The following ANKS6 variants were observed in gnomAD, a reference collection of about 807,000 sequenced individuals.
ANKS6 encodes the protein ankyrin repeat and sterile alpha motif domain containing 6.
ANKS6 carries 47 observed loss-of-function variants against 77.9 expected under a neutral mutation model. That is an observed-to-expected ratio of 0.60 (90% CI 0.48 to 0.77). The LOEUF is 0.77. ANKS6 is among the 30% of genes least tolerant of loss of function. ANKS6 has a pLI of 0.00. For missense variants in ANKS6, 1,150 were observed against 1,159.1 expected, an observed-to-expected ratio of 0.99 and a Z score of 0.11; for synonymous variants, 488 against 501.7, an observed-to-expected ratio of 0.97 and a Z score of 0.37.
rs758422293 is a variant in ANKS6 at position 98,732,470 on chromosome 9, G to T, written c.*4049C>A. 9.0e-5 allele frequency: 140 copies of T among 1,549,404 alleles called. No homozygotes were observed. The highest frequency in any genetic ancestry group is 1.2e-4 in the Non-Finnish European group (138 of 1,146,250). On this transcript the variant is annotated 3_prime_UTR_variant, in exon 15 of 15. Coordinates refer to ENST00000353234, the MANE Select transcript of ANKS6 (RefSeq NM_173551.5). ...CCATCGGCCACTCCTCACTTCTGTG[G>T]GCTCCGATGCCAGCAGAGCCACCTG... is the stretch of plus-strand genomic sequence containing the variant.
intron 4 of ANKS6, 127 bp downstream of exon 4, chr9:98,783,826 T>G: frequency 1.6e-6 from 1 of 635,880 alleles, no homozygotes; most frequent in Non-Finnish European, 2.2e-6. Context: ...TTTCCATGCC[T>G]CAATGTCGTC....
chr9:98,773,292 C>G (rs147740771), intron 9 of ANKS6, among the ~76,000 whole-genome samples: 1 of 152,330 alleles, frequency 6.6e-6, no homozygotes, highest in Non-Finnish European at 1.5e-5. Flanking sequence ...CACATGGCGA[C>G]AGGGTCAGTC....
intron 12 of ANKS6, among the ~76,000 whole-genome samples, chr9:98,753,886 G>C (rs1463318218): frequency 6.6e-6 from 1 of 152,152 alleles, no homozygotes; most frequent in Non-Finnish European, 1.5e-5. Context: ...CTATAATTCA[G>C]TTAATTCGAA....
chr9:98,774,178 C>A, intron 8 of ANKS6, 98 bp from the exon 9 acceptor site: 1 of 1,104,920 alleles, frequency 9.1e-7, no homozygotes, highest in Non-Finnish European at 1.2e-6. Flanking sequence ...GGCATGGCAC[C>A]ACCATCCACC....
rs760585807 is a variant in ANKS6, at chr9:98,745,685, G to C, written c.2395-10C>G. ...ACGCTTCCATGTCCACCTGGGGAGA[G>C]AGAGGGGATTTGCCACCATCTGCTG... is the stretch of plus-strand genomic sequence containing the variant. On this transcript the variant is annotated splice_polypyrimidine_tract_variant and intron_variant, in intron 13 of 14. Transcript: ENST00000353234. 5 of 1,608,142 alleles carry C rather than the reference G, an allele frequency of 3.1e-6. No individual in the cohort carries two copies. The highest frequency in any genetic ancestry group is 4.3e-6 in the Non-Finnish European group (5 of 1,174,548).
At position 98,739,736 on chromosome 9, in the gene ANKS6, A is replaced by G. The variant is rs145000014; in HGVS notation, c.2512-3113T>C. ...CTGGAGGCAGACAGATCCTATCCTC[A>G]GAGGGCAGCAGTGGATTAAACATTT... On this transcript the variant is annotated intron_variant, in intron 14 of 14. Coordinates refer to ENST00000353234, the MANE Select transcript of ANKS6 (RefSeq NM_173551.5). 1.1e-3 allele frequency among the ~76,000 whole-genome samples: 167 copies of G among 149,940 alleles called. 1 individual carries two copies. The highest frequency in any genetic ancestry group is 0.01 in the Middle Eastern group (3 of 290).
In ANKS6 at chr9:98,734,285, T is replaced by C; in HGVS notation, c.*2234A>G. On this transcript the variant is annotated 3_prime_UTR_variant, in exon 15 of 15. Coordinates refer to ENST00000353234, the MANE Select transcript of ANKS6 (RefSeq NM_173551.5). ...CTGCAAAATGGGAATAGCCCCGCTC[T>C]GTCCAGGGTCATCCAATGAGTTCAT... 2 of 985,460 alleles carry C rather than the reference T, an allele frequency of 2.0e-6. No homozygotes were observed. Among genetic ancestry groups the C allele is most frequent in the Non-Finnish European group, 2.4e-6 (2 of 829,962 alleles). The allele number at this position is 985,460 out of a possible 1,614,324, so 61.0% of individuals were successfully genotyped here. A position where few individuals can be genotyped will look rare whatever the true frequency, so the allele number is the denominator to read the frequency against.
chr9:98,732,709 G>A lies in ANKS6; in HGVS notation c.*3810C>T. On this transcript the variant is annotated 3_prime_UTR_variant, in exon 15 of 15. Transcript: ENST00000353234. ...GATCCCTGGGGGCTACTATCCCCCT[G>A]TAACCAAAAGGGAAACTGGGACTCA... is the stretch of plus-strand genomic sequence containing the variant. The A allele has an allele frequency of 6.9e-7, 1 of 1,447,596 alleles. No homozygotes were observed. Among genetic ancestry groups the A allele is most frequent in the Non-Finnish European group, 9.1e-7 (1 of 1,104,968 alleles). 89.7% of individuals were successfully genotyped at this position (1,447,596 alleles called of 1,614,324 possible). A position where few individuals can be genotyped will look rare whatever the true frequency, so the allele number is the denominator to read the frequency against.
chr9:98,779,277 A>G (rs1035745447), intron 6 of ANKS6, among the ~76,000 whole-genome samples: 1 of 152,208 alleles, frequency 6.6e-6, no homozygotes, highest in Admixed American at 6.5e-5. Context: ...CTCAGCTTGC[A>G]GTTACAAGCA....
chr9:98,790,614 G>A lies in ANKS6; in HGVS notation c.360-8C>T. The A allele has an allele frequency of 6.3e-7, 1 of 1,592,604 alleles. No homozygotes were observed. The highest frequency in any genetic ancestry group is 8.6e-7 in the Non-Finnish European group (1 of 1,163,574). ...ACACTCACATGCCCAAATCTGCCAG[G>A]AAGATGGAGAATTAGTGACACTGAA... On this transcript the variant is annotated splice_polypyrimidine_tract_variant and splice_region_variant and intron_variant, in intron 1 of 14. Transcript: ENST00000353234.
Position 98,778,257 on chromosome 9 carries a change from G to A in ANKS6, c.1536C>T (p.Leu512=), listed in dbSNP as rs751706775. Residue 512 remains leucine, a synonymous_variant, in exon 7 of 15, where the codon CTC becomes CTT. Coordinates refer to ENST00000353234, the MANE Select transcript of ANKS6 (RefSeq NM_173551.5). ...APQDKTSRSA[L]PDAAPVTKDN... ...CTTTGGTCACAGGGGCCGCATCAGG[G>A]AGTGCAGAGCGGCTTGTCTTGTCCT... is the stretch of plus-strand genomic sequence containing the variant. 1.7e-5 allele frequency: 28 copies of A among 1,614,072 alleles called. No individual in the cohort carries two copies. The African/African-American group carries it at 3.6e-4, about 21-fold the overall frequency.
intron 2 of ANKS6, among the ~76,000 whole-genome samples, chr9:98,785,860 C>T (rs1198191612): frequency 6.6e-6 from 1 of 152,172 alleles, no homozygotes; most frequent in Non-Finnish European, 1.5e-5. Flanking sequence ...GAGTAAGCTG[C>T]CTCTTCATCA....
At position 98,736,139 on chromosome 9, in the gene ANKS6, A is replaced by G; in HGVS notation, c.*380T>C. The G allele has an allele frequency of 8.7e-7, 1 of 1,149,458 alleles. No individual in the cohort carries two copies. The highest frequency in any genetic ancestry group is 1.1e-6 in the Non-Finnish European group (1 of 933,564). 71.2% of individuals were successfully genotyped at this position (1,149,458 alleles called of 1,614,324 possible). A position where few individuals can be genotyped will look rare whatever the true frequency, so the allele number is the denominator to read the frequency against. ...GAGCAGGAGTGATGTGTGTCAGTTA[A>G]GAGCAAGGCAGGTAAGAAGCAGCCG... On this transcript the variant is annotated 3_prime_UTR_variant, in exon 15 of 15. Coordinates refer to ENST00000353234, the MANE Select transcript of ANKS6 (RefSeq NM_173551.5).
intron 10 of ANKS6, among the ~76,000 whole-genome samples, chr9:98,768,499 A>G (rs1279621191): frequency 2.0e-5 from 3 of 152,158 alleles, no homozygotes; most frequent in Middle Eastern, 3.2e-3. Flanking sequence ...GGCAAAACCC[A>G]GTCCATCCTC....
chr9:98,790,515 C>A lies in ANKS6; in HGVS notation c.451G>T (p.Ala151Ser). ...ACACCCAGGTGGCCGCCCCGAGAAG[C>A]CACAGTGAGCACACTGGCCCCCAGC... ...NRLGASVLTV[A>S]SRGGHLGVVK... The change falls in exon 2 of 15, where the codon GCT becomes TCT. Residue 151 changes from alanine to serine, a missense_variant. Transcript: ENST00000353234. The A allele has an allele frequency of 1.2e-6, 2 of 1,613,662 alleles. No individual in the cohort carries two copies. Among genetic ancestry groups the A allele is most frequent in the South Asian group, 1.1e-5 (1 of 91,068 alleles).
Position 98,784,006 on chromosome 9 carries a change from G to A in ANKS6, c.1059C>T (p.Asp353=), listed in dbSNP as rs748812271. Residue 353 remains aspartate (D), a synonymous_variant, in exon 4 of 15, where the codon GAC becomes GAT. Transcript: ENST00000353234. ...QLLVERHADV[D]KQDSVHGWTA... ...TCCAGCCATGCACGCTGTCCTGCTT[G>A]TCAACATCCGCGTGCCTCTCCACCA... is the stretch of plus-strand genomic sequence containing the variant. 5 of 1,610,358 alleles carry A rather than the reference G, an allele frequency of 3.1e-6. No individual in the cohort carries two copies. In the African/African-American group the frequency reaches 6.7e-5, roughly 22 times the overall value.
chr9:98,760,118 A>C (rs139837504), intron 11 of ANKS6, among the ~76,000 whole-genome samples: 2 of 152,256 alleles, frequency 1.3e-5, no homozygotes, highest in East Asian at 3.9e-4. Context: ...GTGTCAATGA[A>C]AAAAAATAAA....
chr9:98,733,473 T>G lies in ANKS6; in HGVS notation c.*3046A>C, dbSNP rs1831314147. 6.1e-6 allele frequency: 6 copies of G among 985,366 alleles called. No individual in the cohort carries two copies. Among genetic ancestry groups the G allele is most frequent in the Non-Finnish European group, 7.2e-6 (6 of 829,994 alleles). The allele number at this position is 985,366 out of a possible 1,614,324, so 61.0% of individuals were successfully genotyped here. Reference sequence around the variant, plus strand: ...CCATCTCAAAGCAGGACCGGTCCCCTGATGTCCCACTGCCAAGCAGGCCAC... The same window carrying G: ...CCATCTCAAAGCAGGACCGGTCCCCGGATGTCCCACTGCCAAGCAGGCCAC... On this transcript the variant is annotated 3_prime_UTR_variant, in exon 15 of 15. Coordinates refer to ENST00000353234, the MANE Select transcript of ANKS6 (RefSeq NM_173551.5).
chr9:98,751,273 T>C (rs1343802740), intron 12 of ANKS6, among the ~76,000 whole-genome samples, 177 bp from the exon 13 acceptor site: 1 of 152,200 alleles, frequency 6.6e-6, no homozygotes, highest in Non-Finnish European at 1.5e-5. Flanking sequence ...GGTCCTGAGC[T>C]ACCTGCACCC....
Sources: allele counts gnomAD v4.1 joint callset (sites outside exome capture counted in the v4.1 genomes callset), GRCh38; gene constraint gnomAD v4.1.1; transcripts MANE v1.5; gene names NCBI Gene and HGNC (gene_info 2026-07-23, HGNC 2026-07-21).